The following CTNNA2 variants were observed in gnomAD, a reference collection of about 807,000 sequenced individuals.
The protein encoded by CTNNA2 is catenin alpha 2.
A neutral mutation model predicts 101.0 loss-of-function variants in CTNNA2; 42 were observed. The ratio of observed to expected loss-of-function variants is 0.42; its 90% CI spans 0.32 to 0.54. CTNNA2 has a LOEUF of 0.54. CTNNA2 is among the 20% of genes least tolerant of loss of function. The pLI is 0.14. For synonymous variants in CTNNA2, 450 were observed against 456.4 expected (o/e 0.99, Z 0.18); for missense variants, 871 against 1,223.1 (o/e 0.71, Z 4.29).
chr2:79,348,331 T>G (rs111978642), intron 3 of CTNNA2, among the ~76,000 whole-genome samples: 2,298 of 152,296 alleles, frequency 0.015, 56 homozygotes, highest in African/African-American at 0.05. Flanking sequence ...GATCAAAATT[T>G]CAGATTTTGG....
chr2:79,905,991 G>GT (rs2104303200), intron 6 of CTNNA2, among the ~76,000 whole-genome samples: 1 of 152,030 alleles, frequency 6.6e-6, no homozygotes, highest in South Asian at 2.1e-4. Context: ...TTTCATTTCT[G>GT]TTTTTTCCTT....
At chr2:79,278,143 T>C (rs1172106628) in intron 2 of CTNNA2, among the ~76,000 whole-genome samples, 3 of 152,060 alleles carry the variant, frequency 2.0e-5, no homozygotes, top group Non-Finnish European at 4.4e-5. Context: ...CCTACTTCAC[T>C]GTATGGCCCT....
At chr2:79,697,920 A>G (rs1684747714) in intron 2 of CTNNA2, 1 of 152,066 alleles carries the variant, frequency 6.6e-6, no homozygotes, top group Non-Finnish European at 1.5e-5. Context: ...ATAAGAAGGT[A>G]TACTCTAGAA....
intron 7 of CTNNA2, among the ~76,000 whole-genome samples, chr2:80,138,066 A>G (rs1263448660): frequency 1.3e-5 from 2 of 152,166 alleles, no homozygotes; most frequent in African/African-American, 4.8e-5. Flanking sequence ...ATGGAATTCC[A>G]CAGAGCATCC....
intron 14 of CTNNA2, among the ~76,000 whole-genome samples, chr2:80,588,344 G>A (rs1696148868): frequency 6.6e-6 from 1 of 152,116 alleles, no homozygotes. Flanking sequence ...TAAATAGACT[G>A]CAAAAAGTAC....
chr2:80,269,600 A>T (rs901402389), intron 7 of CTNNA2, among the ~76,000 whole-genome samples: 19 of 152,174 alleles, frequency 1.2e-4, no homozygotes, highest in Non-Finnish European at 2.8e-4. Flanking sequence ...AAATGCTGTT[A>T]TATGTTTCTA....
chr2:80,588,588 C>T (rs149872551), intron 14 of CTNNA2, among the ~76,000 whole-genome samples: 37 of 152,314 alleles, frequency 2.4e-4, no homozygotes, highest in Non-Finnish European at 4.3e-4. Flanking sequence ...CCTTTTTCTA[C>T]ATTTTCTTAC....
intron 9 of CTNNA2, among the ~76,000 whole-genome samples, chr2:80,431,829 C>G (rs1455475900): frequency 1.3e-5 from 2 of 152,116 alleles, no homozygotes; most frequent in Non-Finnish European, 1.5e-5. Context: ...AAACCTACAC[C>G]TTAGCTAAAT....
intron 2 of CTNNA2, among the ~76,000 whole-genome samples, chr2:79,200,378 C>T (rs907855795): frequency 1.3e-4 from 18 of 139,380 alleles, no homozygotes; most frequent in African/African-American, 4.4e-4. Context: ...AGAGAGACTC[C>T]GTCTCAAAAA....
intron 7 of CTNNA2, among the ~76,000 whole-genome samples, chr2:80,192,729 G>T (rs1706589313): frequency 1.3e-5 from 2 of 152,084 alleles, no homozygotes; most frequent in African/African-American, 2.4e-5. Flanking sequence ...TGGCCAGGCT[G>T]GTCTCGAACT....
At chr2:80,340,825 A>C (rs1043445313) in intron 7 of CTNNA2, among the ~76,000 whole-genome samples, 1 of 152,170 alleles carries the variant, frequency 6.6e-6, no homozygotes, top group African/African-American at 2.4e-5. Context: ...CAGTTCCACA[A>C]TAATGCCCCC....
At chr2:80,420,051 A>AC (rs1680393114) in intron 9 of CTNNA2, among the ~76,000 whole-genome samples, 1 of 148,260 alleles carries the variant, frequency 6.7e-6, no homozygotes, top group African/African-American at 2.6e-5. Flanking sequence ...AAAAAAAAAA[A>AC]AAAAAAAAAA....
chr2:79,210,188 C>T (rs1674153929), intron 2 of CTNNA2, among the ~76,000 whole-genome samples: 3 of 151,516 alleles, frequency 2.0e-5, no homozygotes, highest in Admixed American at 6.6e-5. Flanking sequence ...GTTAACATCT[C>T]GCACAATGTT....
At chr2:79,818,821 TTATATA>T (rs372924495) in intron 3 of CTNNA2, among the ~76,000 whole-genome samples, 2 of 74,280 alleles carry the variant, frequency 2.7e-5, no homozygotes, top group Non-Finnish European at 4.6e-5. Flanking sequence ...CAAAATGCAA[TTATATA>T]TATATATATA....
chr2:79,255,991 G>A (rs1674839478), intron 2 of CTNNA2, among the ~76,000 whole-genome samples: 1 of 152,126 alleles, frequency 6.6e-6, no homozygotes, highest in Non-Finnish European at 1.5e-5. Context: ...CTTAAACTCT[G>A]TTCATCAGAG....
At chr2:79,360,382 C>A (rs1677601257) in intron 3 of CTNNA2, among the ~76,000 whole-genome samples, 1 of 152,046 alleles carries the variant, frequency 6.6e-6, no homozygotes, top group Admixed American at 6.6e-5. Context: ...GACAAGACAC[C>A]AAGGAGCATA....
At chr2:80,623,061 A>G in intron 18 of CTNNA2, among the ~76,000 whole-genome samples, 1 of 151,258 alleles carries the variant, frequency 6.6e-6, no homozygotes, top group Non-Finnish European at 1.5e-5. Context: ...AAAAAAAAAA[A>G]AAAAAAGTTC....
intron 2 of CTNNA2, among the ~76,000 whole-genome samples, chr2:79,269,095 C>T (rs1184380621): frequency 6.6e-6 from 1 of 152,006 alleles, no homozygotes; most frequent in African/African-American, 2.4e-5. Context: ...CTGGACTGCT[C>T]AGAACAGAAA....
chr2:79,294,056 A>C (rs1309775961), intron 2 of CTNNA2, among the ~76,000 whole-genome samples: 1 of 152,068 alleles, frequency 6.6e-6, no homozygotes, highest in African/African-American at 2.4e-5. Flanking sequence ...GGGTGGCTTA[A>C]GCAATGTAAA....
Sources: gnomAD v4.1 joint callset for allele counts (sites outside exome capture counted in the v4.1 genomes callset) on GRCh38, gnomAD v4.1.1 for gene constraint, MANE v1.5 for transcripts, NCBI Gene and HGNC (gene_info 2026-07-23, HGNC 2026-07-21) for gene names.